ESR1: variants seen among roughly 807,000 people sequenced by gnomAD.
The protein encoded by ESR1 is estrogen receptor 1.
In ESR1, 12 loss-of-function variants were observed where a neutral mutation model predicts 52.7. The observed-to-expected ratio is 0.23, with a 90% CI of 0.15 to 0.37. The LOEUF (loss-of-function observed/expected upper bound fraction) is 0.37. ESR1 is among the 10% of genes least tolerant of loss of function. The probability of loss-of-function intolerance (pLI) is 1.00; values close to 1 mark genes in which losing one functional copy is unlikely to be tolerated. For missense variants in ESR1, 584 were observed against 779.7 expected (o/e 0.75, Z 2.99); for synonymous variants, 305 against 316.8 (o/e 0.96, Z 0.39).
intron 1 of ESR1, among the ~76,000 whole-genome samples, chr6:151,670,188 G>C (rs1464527243): frequency 6.6e-6 from 1 of 152,160 alleles, no homozygotes; most frequent in African/African-American, 2.4e-5. Context: ...CCTTCCTCTA[G>C]CTAGCCTATC....
At chr6:151,855,383 G>A (rs1341744466) in intron 2 of ESR1, among the ~76,000 whole-genome samples, 1 of 152,054 alleles carries the variant, frequency 6.6e-6, no homozygotes, top group Non-Finnish European at 1.5e-5. Flanking sequence ...CTGCAGGCCA[G>A]CCCCATTTTT....
At position 152,101,482 on chromosome 6, in the gene ESR1, T is replaced by G. The variant is rs767163553; in HGVS notation, c.*2516T>G. ...TCATCCAATGTGTTTCTATTCATGT[T>G]AAGATACTACTACATTTGAAGTGGG... On this transcript the variant is annotated 3_prime_UTR_variant, in exon 8 of 8. Coordinates refer to ENST00000206249, the MANE Select transcript of ESR1 (RefSeq NM_000125.4). 17 of 232,554 alleles carry G rather than the reference T, an allele frequency of 7.3e-5. No homozygotes were observed. The highest frequency in any genetic ancestry group is 1.2e-4 in the Non-Finnish European group (14 of 117,706). 14.4% of individuals were successfully genotyped at this position (232,554 alleles called of 1,614,324 possible).
chr6:151,842,910 C>A, intron 2 of ESR1, 123 bp downstream of exon 2: 1 of 771,658 alleles, frequency 1.3e-6, no homozygotes, highest in Non-Finnish European at 2.2e-6. Flanking sequence ...CCTAGTAGGT[C>A]CACTAGTATC....
intron 2 of ESR1, among the ~76,000 whole-genome samples, chr6:151,784,171 C>G (rs1268024467): frequency 6.6e-6 from 1 of 152,148 alleles, no homozygotes; most frequent in Non-Finnish European, 1.5e-5. Flanking sequence ...CTGCACAGCT[C>G]ACAATGAAGG....
chr6:151,834,051 G>A (rs980570650), intron 1 of ESR1, among the ~76,000 whole-genome samples: 1 of 152,196 alleles, frequency 6.6e-6, no homozygotes, highest in African/African-American at 2.4e-5. Flanking sequence ...GGAAACAACA[G>A]ATGCTGGAGA....
intron 1 of ESR1, among the ~76,000 whole-genome samples, chr6:151,659,577 T>C (rs1393614935): frequency 6.6e-6 from 1 of 152,196 alleles, no homozygotes; most frequent in East Asian, 1.9e-4. Context: ...ATCTATAGGA[T>C]TCCATGAGTC....
At chr6:152,016,247 A>G (rs1013542659) in intron 5 of ESR1, among the ~76,000 whole-genome samples, 13 of 152,110 alleles carry the variant, frequency 8.5e-5, no homozygotes, top group Non-Finnish European at 1.8e-4. Flanking sequence ...TCTTTTATAT[A>G]TTACCCAGTC....
intron 3 of ESR1, among the ~76,000 whole-genome samples, chr6:151,881,673 A>C (rs1792935216): frequency 6.6e-6 from 1 of 152,136 alleles, no homozygotes; most frequent in South Asian, 2.1e-4. Context: ...ATCTGAGGTC[A>C]GGAGTTCGAG....
chr6:152,014,264 T>C (rs77711837), intron 5 of ESR1, among the ~76,000 whole-genome samples: 2,722 of 152,066 alleles, frequency 0.018, 27 homozygotes, highest in South Asian at 0.027. Flanking sequence ...GGGGCTGTCT[T>C]GTGCATTTTA....
At chr6:151,998,404 C>T (rs568873342) in intron 4 of ESR1, among the ~76,000 whole-genome samples, 6 of 151,866 alleles carry the variant, frequency 4.0e-5, no homozygotes, top group African/African-American at 1.4e-4. Flanking sequence ...TTCTTGCAAA[C>T]ATTCACTCAG....
At chr6:151,672,520 A>T (rs1003188936) in intron 1 of ESR1, among the ~76,000 whole-genome samples, 1 of 151,918 alleles carries the variant, frequency 6.6e-6, no homozygotes, top group Non-Finnish European at 1.5e-5. Context: ...TATTGTTAGC[A>T]GAGTCGGGGT....
chr6:151,710,473 A>G (rs1428328864), intron 2 of ESR1, among the ~76,000 whole-genome samples: 2 of 152,332 alleles, frequency 1.3e-5, no homozygotes, highest in Non-Finnish European at 2.9e-5. Context: ...GCTCCAAAAT[A>G]TTAGCTTGAA....
chr6:152,128,047 C>T (rs1035923251), exon 7 of ESR1: 47 of 152,244 alleles, frequency 3.1e-4, no homozygotes, highest in African/African-American at 9.9e-4. Context: ...TTGCTACATC[C>T]GGACTACAGT....
chr6:152,041,355 G>A (rs1434397267), intron 5 of ESR1, among the ~76,000 whole-genome samples: 1 of 152,178 alleles, frequency 6.6e-6, no homozygotes, highest in Non-Finnish European at 1.5e-5. Context: ...AGCCTTTCAG[G>A]TCACTTGATA....
intron 2 of ESR1, among the ~76,000 whole-genome samples, chr6:151,772,202 A>C (rs1294129147): frequency 6.6e-6 from 1 of 152,142 alleles, no homozygotes; most frequent in Non-Finnish European, 1.5e-5. Context: ...ACAGGAATGG[A>C]GATTTGGAAC....
intron 2 of ESR1, among the ~76,000 whole-genome samples, chr6:151,799,391 C>A (rs1777013981): frequency 6.6e-6 from 1 of 152,212 alleles, no homozygotes; most frequent in African/African-American, 2.4e-5. Context: ...TATGAATCTG[C>A]TCCCCAATTG....
chr6:151,783,257 C>T (rs1786716675), intron 2 of ESR1, among the ~76,000 whole-genome samples: 1 of 152,194 alleles, frequency 6.6e-6, no homozygotes, highest in African/African-American at 2.4e-5. Flanking sequence ...GATTGATCCC[C>T]ATAAGGGATC....
intron 2 of ESR1, among the ~76,000 whole-genome samples, chr6:151,730,157 T>G (rs1203064298): frequency 6.6e-6 from 1 of 152,110 alleles, no homozygotes; most frequent in Non-Finnish European, 1.5e-5. Context: ...GGCTTCTGCT[T>G]AGTCCCTGTT....
intron 4 of ESR1, among the ~76,000 whole-genome samples, chr6:151,958,995 CGTGT>C (rs2037340711): frequency 1.9e-5 from 2 of 104,834 alleles, no homozygotes; most frequent in African/African-American, 5.2e-5. Context: ...TGTGTGTGTG[CGTGT>C]GTGTGTTTAC....
Sources: gnomAD v4.1 joint callset for allele counts (sites outside exome capture counted in the v4.1 genomes callset) on GRCh38, gnomAD v4.1.1 for gene constraint, MANE v1.5 for transcripts, NCBI Gene and HGNC (gene_info 2026-07-23, HGNC 2026-07-21) for gene names.